The following BCAS1 variants were observed in gnomAD, a reference collection of about 807,000 sequenced individuals.
BCAS1 encodes the protein brain enriched myelin associated protein 1, also known as breast carcinoma-amplified sequence 1.
In BCAS1, 46 loss-of-function variants were observed where a neutral mutation model predicts 65.4. The ratio of observed to expected loss-of-function variants is 0.70; its 90% CI spans 0.55 to 0.90. The LOEUF (loss-of-function observed/expected upper bound fraction) is 0.90, where lower values mean the gene tolerates loss of function less well. BCAS1 is among the 40% of genes least tolerant of loss of function. The pLI is 0.00. For missense variants in BCAS1, 793 were observed against 771.2 expected, an observed-to-expected ratio of 1.03 and a Z score of -0.33; for synonymous variants, 298 against 293.5, an observed-to-expected ratio of 1.02 and a Z score of -0.16.
intron 4 of BCAS1, among the ~76,000 whole-genome samples, chr20:53,998,905 G>A (rs1366541871): frequency 1.3e-5 from 2 of 152,122 alleles, no homozygotes; most frequent in African/African-American, 2.4e-5. Context: ...AATCTTCTGA[G>A]ACAAATATTA....
Position 53,944,979 on chromosome 20 carries a change from C to T in BCAS1, c.1833G>A (p.Leu611=). ...CTGGGTCTGTTTGCACTTGAGCATC[C>T]AACATCCGCTTTGGTCCCTGGAGAA... ...FFKGLGPKRM[L]DAQVQTDPVS... Residue 611 remains leucine (L), a synonymous_variant, in exon 13 of 13, where the codon TTG becomes TTA. Transcript: ENST00000688948. The T allele has an allele frequency of 6.2e-7, 1 of 1,614,064 alleles. No individual in the cohort carries two copies. Among genetic ancestry groups the T allele is most frequent in the Admixed American group, 1.7e-5 (1 of 60,018 alleles).
intron 7 of BCAS1, among the ~76,000 whole-genome samples, chr20:53,988,817 T>C (rs2090680164): frequency 6.6e-6 from 1 of 152,216 alleles, no homozygotes. Context: ...CTAAGTAACT[T>C]GCCCACAGTT....
intron 4 of BCAS1, among the ~76,000 whole-genome samples, chr20:54,015,188 T>C: frequency 6.6e-6 from 1 of 152,108 alleles, no homozygotes; most frequent in Non-Finnish European, 1.5e-5. Context: ...TGTGCCACCA[T>C]GCCCGGCTAA....
intron 6 of BCAS1, among the ~76,000 whole-genome samples, chr20:53,993,621 C>T (rs1398135721): frequency 6.6e-6 from 1 of 152,144 alleles, no homozygotes; most frequent in Non-Finnish European, 1.5e-5. Flanking sequence ...CATCAGGTCA[C>T]TTGGGAAGCC....
rs554980765 is a variant in BCAS1 at position 54,062,479 on chromosome 20, T to G, written c.-5-3756A>C. On this transcript the variant is annotated intron_variant, in intron 1 of 12. Coordinates refer to ENST00000688948, the MANE Select transcript of BCAS1 (RefSeq NM_001366298.2). ...TCATATATACACATGCAAGAATATATACACACAAAGTATCTCTATCTAAAT... is the reference window on the plus strand; with the variant it reads ...TCATATATACACATGCAAGAATATAGACACACAAAGTATCTCTATCTAAAT... Among the ~76,000 whole-genome samples the G allele has an allele frequency of 2.6e-5, 4 of 152,360 alleles. No individual in the cohort carries two copies. In the South Asian group the frequency reaches 8.3e-4, roughly 32 times the overall value.
At chr20:53,946,396 T>C (rs972133592) in intron 12 of BCAS1, among the ~76,000 whole-genome samples, 16 of 152,036 alleles carry the variant, frequency 1.1e-4, no homozygotes, top group Middle Eastern at 3.2e-3. Context: ...TCATGTAGCA[T>C]AGTGGATGTG....
rs11343372 is a variant in BCAS1 at position 54,012,467 on chromosome 20, TAA to T, written c.723+15923_723+15924del. On this transcript the variant is annotated intron_variant, in intron 4 of 12. Coordinates refer to ENST00000688948, the MANE Select transcript of BCAS1 (RefSeq NM_001366298.2). ...CTACAATAATTTCAAAGTTAAAAAG[TAA>T]AAAAAAAAAAAAAAAGCTTGATAGG... is the stretch of plus-strand genomic sequence containing the variant. Among the ~76,000 whole-genome samples, 963 of 108,066 alleles carry T rather than the reference TAA, an allele frequency of 8.9e-3. 14 individuals are homozygous for T. The highest frequency in any genetic ancestry group is 0.056 in the South Asian group (208 of 3,696). 70.9% of individuals were successfully genotyped at this position (108,066 alleles called of 152,430 possible). A position where few individuals can be genotyped will look rare whatever the true frequency, so the allele number is the denominator to read the frequency against.
intron 4 of BCAS1, among the ~76,000 whole-genome samples, chr20:54,021,300 A>G (rs980411791): frequency 4.6e-5 from 7 of 151,662 alleles, no homozygotes; most frequent in African/African-American, 1.7e-4. Context: ...AATAGAGTCA[A>G]TATCACAATA....
intron 12 of BCAS1, among the ~76,000 whole-genome samples, chr20:53,951,520 C>A (rs1200341630): frequency 6.6e-6 from 1 of 152,190 alleles, no homozygotes; most frequent in African/African-American, 2.4e-5. Flanking sequence ...CTTTCCCCAA[C>A]ATCTTTCCTG....
intron 3 of BCAS1, among the ~76,000 whole-genome samples, chr20:54,042,850 T>C (rs1005254995): frequency 1.3e-5 from 2 of 152,246 alleles, no homozygotes; most frequent in Non-Finnish European, 2.9e-5. Context: ...CCAATTTGCC[T>C]AGGGCTGGCC....
chr20:54,057,094 T>C (rs1425777253), intron 3 of BCAS1, among the ~76,000 whole-genome samples: 3 of 152,184 alleles, frequency 2.0e-5, no homozygotes, highest in Non-Finnish European at 4.4e-5. Context: ...ATCCGTCACA[T>C]AGTAGAGCCT....
chr20:53,950,601 T>A (rs1326289173), intron 12 of BCAS1, among the ~76,000 whole-genome samples: 2 of 152,256 alleles, frequency 1.3e-5, no homozygotes, highest in East Asian at 3.8e-4. Flanking sequence ...GTAGTTTTAA[T>A]AATTTTAACC....
chr20:54,029,038 C>T, intron 3 of BCAS1, 66 bp from the exon 4 acceptor site: 1 of 1,514,222 alleles, frequency 6.6e-7, no homozygotes, highest in Non-Finnish European at 8.8e-7. Flanking sequence ...TAATAATGGA[C>T]TCCAGACATT....
chr20:54,025,658 G>A (rs547238402), intron 4 of BCAS1, among the ~76,000 whole-genome samples: 1 of 152,184 alleles, frequency 6.6e-6, no homozygotes, highest in African/African-American at 2.4e-5. Context: ...GGGGGGAAGG[G>A]CTGCTGGAGG....
intron 3 of BCAS1, among the ~76,000 whole-genome samples, chr20:54,036,078 G>A (rs1398807229): frequency 6.6e-6 from 1 of 150,804 alleles, no homozygotes; most frequent in Admixed American, 6.6e-5. Flanking sequence ...AGGAGGGAGA[G>A]GATCAGGAAA....
At chr20:53,985,052 A>T (rs2090576766) in intron 8 of BCAS1, among the ~76,000 whole-genome samples, 1 of 152,216 alleles carries the variant, frequency 6.6e-6, no homozygotes, top group Non-Finnish European at 1.5e-5. Flanking sequence ...AGAATGAAAA[A>T]TTCTACTTGT....
intron 4 of BCAS1, among the ~76,000 whole-genome samples, chr20:54,028,173 A>G (rs773307520): frequency 6.6e-6 from 1 of 152,234 alleles, no homozygotes; most frequent in African/African-American, 2.4e-5. Flanking sequence ...TCTTTTACAT[A>G]AAACAGATGC....
rs1327056421 is a variant in BCAS1, at chr20:53,953,556, G to C, written c.1691C>G (p.Ala564Gly). ...CTCTGTGCACTGGGCTGGTTCTTTG[G>C]CTTCCTGCTTGTTGCTCTTCTGCTT... is the stretch of plus-strand genomic sequence containing the variant. ...MNKQKSNKQEAKEPAQCTEQA... is the reference protein window; with the variant it reads ...MNKQKSNKQEGKEPAQCTEQA... The change falls in exon 12 of 13, where the codon GCC becomes GGC. Residue 564 changes from alanine (A) to glycine (G), a missense_variant. Coordinates refer to ENST00000688948, the MANE Select transcript of BCAS1 (RefSeq NM_001366298.2). 1.2e-6 allele frequency: 2 copies of C among 1,613,702 alleles called. No homozygotes were observed. The highest frequency in any genetic ancestry group is 1.3e-5 in the African/African-American group (1 of 74,816).
chr20:53,944,946 G>A lies in BCAS1; in HGVS notation c.1866C>T (p.Ile622=), dbSNP rs373855332. Residue 622 remains isoleucine, a synonymous_variant, in exon 13 of 13, where the codon ATC becomes ATT. Transcript: ENST00000688948. ...TTTACTTGGATTTGCCAACTGGTCC[G>A]ATGGATACTGGGTCTGTTTGCACTT... ...DAQVQTDPVS[I]GPVGKSK 1.4e-5 allele frequency: 22 copies of A among 1,613,964 alleles called. No homozygotes were observed. The East Asian group carries it at 4.0e-4, about 29-fold the overall frequency.
Sources: allele counts gnomAD v4.1 joint callset (sites outside exome capture counted in the v4.1 genomes callset), GRCh38; gene constraint gnomAD v4.1.1; transcripts MANE v1.5; gene names NCBI Gene and HGNC (gene_info 2026-07-23, HGNC 2026-07-21).